Variants in ANKRD30B observed in about 807,000 individuals in gnomAD.
ANKRD30B encodes ankyrin repeat domain 30B.
Under a neutral mutation model 202.2 loss-of-function variants are expected in ANKRD30B, and 144 were observed. That is an observed-to-expected ratio of 0.71 (90% CI 0.62 to 0.82). The LOEUF (loss-of-function observed/expected upper bound fraction) is 0.82, where lower values mean the gene tolerates loss of function less well. Ranked by LOEUF, ANKRD30B falls within the 40% of genes least tolerant of loss-of-function variation. ANKRD30B has a pLI of 0.00. For synonymous variants in ANKRD30B, 508 were observed against 561.3 expected (o/e 0.91, Z 1.34); for missense variants, 1,487 against 1,669.1 (o/e 0.89, Z 1.90).
the ANKRD30B span, among the ~76,000 whole-genome samples, chr18:14,940,716 T>A: frequency 1.3e-5 from 2 of 152,238 alleles, no homozygotes; most frequent in East Asian, 3.9e-4. Flanking sequence ...GGGAAGTCAC[T>A]GCTTCCCTTT....
At chr18:14,771,937 G>A (rs111574638) in intron 8 of ANKRD30B, among the ~76,000 whole-genome samples, 1 of 152,098 alleles carries the variant, frequency 6.6e-6, no homozygotes, top group African/African-American at 2.4e-5. Context: ...TTAGGTTGGG[G>A]AGGTAGAGTC....
In ANKRD30B at chr18:14,774,366, T is replaced by G. The variant is rs181821993; in HGVS notation, c.1329+2138T>G. Among the ~76,000 whole-genome samples, 28 of 152,276 alleles carry G rather than the reference T, an allele frequency of 1.8e-4. No homozygotes were observed. The East Asian group carries it at 4.8e-3, about 26-fold the overall frequency. ...GTTTGTTTCTCCCTCCTCTTTCACCTTTTTAAAAATGATTTGCCCCAGACT... is the reference window on the plus strand; with the variant it reads ...GTTTGTTTCTCCCTCCTCTTTCACCGTTTTAAAAATGATTTGCCCCAGACT... On this transcript the variant is annotated intron_variant, in intron 9 of 43. Coordinates refer to ENST00000690538, the MANE Select transcript of ANKRD30B (RefSeq NM_001367607.2).
chr18:14,749,755 T>C (rs142857724), intron 1 of ANKRD30B, among the ~76,000 whole-genome samples: 49 of 143,980 alleles, frequency 3.4e-4, no homozygotes, highest in Middle Eastern at 3.7e-3. Context: ...TACAACAGAA[T>C]AGAAAATCCA....
rs1441563633 is a variant in ANKRD30B at position 14,793,531 on chromosome 18, G to A, written c.1825+2040G>A. ...TTGCAAAAATCATATATAAATGGGT[G>A]TACAATGTTCTTGTCATTCTACAGC... is the stretch of plus-strand genomic sequence containing the variant. On this transcript the variant is annotated intron_variant, in intron 16 of 43. Coordinates refer to ENST00000690538, the MANE Select transcript of ANKRD30B (RefSeq NM_001367607.2). Among the ~76,000 whole-genome samples, 5 of 151,640 alleles carry A rather than the reference G, an allele frequency of 3.3e-5. No homozygotes were observed. In the East Asian group the frequency reaches 7.8e-4, roughly 24 times the overall value.
rs1451355126 is a variant in ANKRD30B, at chr18:14,852,393, A to G, written c.4449A>G (p.Gln1483=). Residue 1483 remains glutamine (Q), a synonymous_variant, in exon 42 of 44, where the codon CAA becomes CAG. Coordinates refer to ENST00000690538, the MANE Select transcript of ANKRD30B (RefSeq NM_001367607.2). ...ACCATTTAAAAGAACGTATAGATCA[A>G]TATGAAAAAGAGAAAGCAGAAAGAG... is the stretch of plus-strand genomic sequence containing the variant. ...YGNHLKERID[Q]YEKEKAEREV... 3.9e-6 allele frequency: 6 copies of G among 1,524,964 alleles called. No individual in the cohort carries two copies. In the South Asian group the frequency reaches 6.3e-5, roughly 16 times the overall value. 94.5% of individuals were successfully genotyped at this position (1,524,964 alleles called of 1,614,324 possible). A position where few individuals can be genotyped will look rare whatever the true frequency, so the allele number is the denominator to read the frequency against.
intron 34 of ANKRD30B, among the ~76,000 whole-genome samples, chr18:14,835,412 A>T (rs1971129413): frequency 6.6e-6 from 1 of 151,546 alleles, no homozygotes. Context: ...TACTTTTTAC[A>T]CTTAAAAGTA....
intron 1 of ANKRD30B, among the ~76,000 whole-genome samples, chr18:14,750,302 A>G (rs1913223912): frequency 6.6e-6 from 1 of 152,160 alleles, no homozygotes; most frequent in Non-Finnish European, 1.5e-5. Context: ...CAGATCTAAA[A>G]AAGTACTTGG....
In ANKRD30B at chr18:14,778,774, G is replaced by T. The variant is rs531252404; in HGVS notation, c.1420+699G>T. Among the ~76,000 whole-genome samples, 15 of 152,274 alleles carry T rather than the reference G, an allele frequency of 9.9e-5. 1 individual carries two copies. In the South Asian group the frequency reaches 3.1e-3, roughly 32 times the overall value. On this transcript the variant is annotated intron_variant, in intron 10 of 43. Transcript: ENST00000690538. ...GTTCTCAAGTGATGCTGATGCTGGT[G>T]GTCCTTGGACCTCACTCTTAAGTAG...
Position 14,769,388 on chromosome 18 carries a change from T to G in ANKRD30B, c.1256+15T>G. On this transcript the variant is annotated intron_variant, in intron 8 of 43. Transcript: ENST00000690538. ...CCTATATTCAGGTAAGACTTTGCGG[T>G]TTTTTAAAACGAATAGGTTAACTCA... 6.5e-7 allele frequency: 1 copy of G among 1,543,246 alleles called. No homozygotes were observed. Among genetic ancestry groups the G allele is most frequent in the Non-Finnish European group, 8.8e-7 (1 of 1,142,526 alleles).
intron 1 of ANKRD30B, among the ~76,000 whole-genome samples, chr18:14,749,614 T>C (rs1478139493): frequency 7.8e-6 from 1 of 128,926 alleles, no homozygotes; most frequent in Admixed American, 9.6e-5. Context: ...GAGGTTGCAG[T>C]GAGCCGAGAT....
the ANKRD30B span, among the ~76,000 whole-genome samples, chr18:14,920,188 G>A: frequency 1.9e-4 from 29 of 152,264 alleles, no homozygotes; most frequent in South Asian, 1.0e-3. Flanking sequence ...TCATTTATTC[G>A]TTCATTCATT....
At chr18:14,788,692 A>G (rs370497133) in intron 15 of ANKRD30B, among the ~76,000 whole-genome samples, 208 of 151,934 alleles carry the variant, frequency 1.4e-3, no homozygotes, top group African/African-American at 4.5e-3. Flanking sequence ...ATGATTTCCA[A>G]TTTCATCCAT....
intron 41 of ANKRD30B, among the ~76,000 whole-genome samples, chr18:14,851,056 C>T (rs888855852): frequency 6.6e-6 from 1 of 151,798 alleles, no homozygotes; most frequent in Non-Finnish European, 1.5e-5. Flanking sequence ...AGAATATTCT[C>T]AGGAAAAAGG....
chr18:14,757,637 C>T (rs1470001869), intron 4 of ANKRD30B, among the ~76,000 whole-genome samples, 178 bp from the exon 5 acceptor site: 1 of 152,134 alleles, frequency 6.6e-6, no homozygotes, highest in Admixed American at 6.5e-5. Context: ...TGCCACACCC[C>T]AGTGGGACAT....
chr18:14,773,847 G>A (rs1213013158), intron 9 of ANKRD30B, among the ~76,000 whole-genome samples: 1 of 151,970 alleles, frequency 6.6e-6, no homozygotes, highest in Non-Finnish European at 1.5e-5. Flanking sequence ...GTAGAGACAG[G>A]GTTTCACCAT....
chr18:14,769,262 G>A lies in ANKRD30B; in HGVS notation c.1226-81G>A, dbSNP rs1484110347. 2.0e-5 allele frequency: 22 copies of A among 1,096,044 alleles called. No individual in the cohort carries two copies. The African/African-American group carries it at 2.4e-4, about 12-fold the overall frequency. The allele number at this position is 1,096,044 out of a possible 1,614,324, so 67.9% of individuals were successfully genotyped here. A position where few individuals can be genotyped will look rare whatever the true frequency, so the allele number is the denominator to read the frequency against. ...GCTGGGATTACAGGCATTTGCCATC[G>A]TGCCCTCTTACGTTGTTAATACTCT... On this transcript the variant is annotated intron_variant, in intron 7 of 43. Coordinates refer to ENST00000690538, the MANE Select transcript of ANKRD30B (RefSeq NM_001367607.2).
intron 40 of ANKRD30B, among the ~76,000 whole-genome samples, 179 bp from the exon 41 acceptor site, chr18:14,850,035 A>T (rs1179467203): frequency 6.6e-6 from 1 of 151,682 alleles, no homozygotes; most frequent in Admixed American, 6.6e-5. Flanking sequence ...TTTTTCAAGT[A>T]TGTATGTCAT....
Position 14,803,791 on chromosome 18 carries a change from A to G in ANKRD30B, c.2251A>G (p.Lys751Glu), listed in dbSNP as rs1969339405. 1 of 1,604,054 alleles carries G rather than the reference A, an allele frequency of 6.2e-7. No homozygotes were observed. The highest frequency in any genetic ancestry group is 8.5e-7 in the Non-Finnish European group (1 of 1,177,724). The change falls in exon 24 of 44, where the codon AAA becomes GAA. Residue 751 changes from lysine (K) to glutamate (E), a missense_variant. Transcript: ENST00000690538. ...DVCLPKATHQ[K>E]EFDTLSGKLE... Reference sequence around the variant, plus strand: ...GTGTTTACCCAAGGCTACACATCAAAAAGAATTCGATACCTTAAGTGGAAA... The same window carrying G: ...GTGTTTACCCAAGGCTACACATCAAGAAGAATTCGATACCTTAAGTGGAAA...
intron 22 of ANKRD30B, among the ~76,000 whole-genome samples, chr18:14,799,807 AT>A: frequency 6.6e-6 from 1 of 152,160 alleles, no homozygotes; most frequent in Middle Eastern, 3.4e-3. Context: ...TCTTTGCTAG[AT>A]ACACTGTTTC....
Sources: allele counts gnomAD v4.1 joint callset (sites outside exome capture counted in the v4.1 genomes callset), GRCh38; gene constraint gnomAD v4.1.1; transcripts MANE v1.5; gene names NCBI Gene and HGNC (gene_info 2026-07-23, HGNC 2026-07-21).